The following RNF43 variants were observed in gnomAD, a reference collection of about 807,000 sequenced individuals.
The protein encoded by RNF43 is E3 ubiquitin-protein ligase RNF43.
A neutral mutation model predicts 78.4 loss-of-function variants in RNF43; 37 were observed. The observed-to-expected ratio is 0.47, with a 90% CI of 0.36 to 0.62. The LOEUF (loss-of-function observed/expected upper bound fraction) is 0.62. Ranked by LOEUF, RNF43 falls within the 20% of genes least tolerant of loss-of-function variation. The pLI, the probability that RNF43 is intolerant of heterozygous loss-of-function variation, is 0.00. For missense variants in RNF43, 774 were observed against 1,007.9 expected (o/e 0.77, Z 3.14); for synonymous variants, 347 against 395.0 (o/e 0.88, Z 1.44).
intron 2 of RNF43, among the ~76,000 whole-genome samples, chr17:58,407,007 C>T (rs1225080034): frequency 1.4e-5 from 2 of 146,346 alleles, no homozygotes; most frequent in Non-Finnish European, 3.0e-5. Flanking sequence ...TTTAAAGCAA[C>T]AACAACAAAC....
At position 58,360,686 on chromosome 17, in the gene RNF43, C is replaced by G; in HGVS notation, c.849+97G>C. ...CAGGACACATGGGAAACAGATGTAG[C>G]CAGGGTACCCATACCAGCCCCTAGG... On this transcript the variant is annotated intron_variant, in intron 7 of 9. Transcript: ENST00000407977. The surrounding 1 kb of genome is among the most constrained non-coding windows in gnomAD (Gnocchi z 4.3). 1 of 1,311,068 alleles carries G rather than the reference C, an allele frequency of 7.6e-7. No homozygotes were observed. Among genetic ancestry groups the G allele is most frequent in the Non-Finnish European group, 1.0e-6 (1 of 960,034 alleles). The allele number at this position is 1,311,068 out of a possible 1,614,324, so 81.2% of individuals were successfully genotyped here.
chr17:58,414,503 T>A (rs1028277367), intron 2 of RNF43, among the ~76,000 whole-genome samples: 2 of 152,220 alleles, frequency 1.3e-5, no homozygotes, highest in African/African-American at 4.8e-5. Flanking sequence ...TAAAAAGGTA[T>A]AGCCCTCTAG....
chr17:58,358,415 C>A lies in RNF43; in HGVS notation c.1361G>T (p.Arg454Leu), dbSNP rs202238403. The A allele has an allele frequency of 6.2e-7, 1 of 1,614,074 alleles. No homozygotes were observed. The highest frequency in any genetic ancestry group is 1.1e-5 in the South Asian group (1 of 91,084). Residue 454 changes from arginine to leucine, a missense_variant, in exon 9 of 10, where the codon CGC becomes CTC. Transcript: ENST00000407977. The surrounding 1 kb of genome is among the most constrained non-coding windows in gnomAD (Gnocchi z 6.2). ...SGSGESYCTE[R>L]SGYLADGPAS... ...TGGCCCATCTGCCAGGTACCCACTG[C>A]GTTCTGTGCAATAGCTTTCTCCAGA... is the stretch of plus-strand genomic sequence containing the variant.
chr17:58,356,670 C>T (rs1972689895), intron 9 of RNF43, among the ~76,000 whole-genome samples: 1 of 151,954 alleles, frequency 6.6e-6, no homozygotes. Flanking sequence ...CTCTCTCTCT[C>T]TTTTTTCTCG....
intron 2 of RNF43, among the ~76,000 whole-genome samples, chr17:58,389,840 A>G (rs546097774): frequency 6.6e-6 from 1 of 152,366 alleles, no homozygotes; most frequent in South Asian, 2.1e-4. Flanking sequence ...CCTGTGTACC[A>G]TTGAACAAAC....
At chr17:58,415,255 A>T (rs1489163931) in intron 2 of RNF43, 71 bp downstream of exon 2, 1 of 1,531,320 alleles carries the variant, frequency 6.5e-7, no homozygotes, top group Non-Finnish European at 9.0e-7. Flanking sequence ...ATGGTATTTC[A>T]TTTGGGAGAC....
At position 58,415,436 on chromosome 17, in the gene RNF43, T is replaced by G; in HGVS notation, c.142A>C (p.Ile48Leu). 6.2e-7 allele frequency: 1 copy of G among 1,614,234 alleles called. No individual in the cohort carries two copies. The highest frequency in any genetic ancestry group is 8.5e-7 in the Non-Finnish European group (1 of 1,180,032). ...SERSAEQKAIIRVIPLKMDPT... is the reference protein window; with the variant it reads ...SERSAEQKAILRVIPLKMDPT... ...TCCATTTTCAAGGGGATCACTCTGATAATAGCTTTCTGTTCTGCTGATCTT... is the reference window on the plus strand; with the variant it reads ...TCCATTTTCAAGGGGATCACTCTGAGAATAGCTTTCTGTTCTGCTGATCTT... Residue 48 changes from isoleucine to leucine, a missense_variant, in exon 2 of 10, where the codon ATC becomes CTC. Transcript: ENST00000407977.
intron 2 of RNF43, among the ~76,000 whole-genome samples, chr17:58,406,218 C>T (rs1973909568): frequency 6.6e-6 from 1 of 152,158 alleles, no homozygotes; most frequent in African/African-American, 2.4e-5. Flanking sequence ...CAGTCTATAT[C>T]TTCTTAATGG....
intron 2 of RNF43, among the ~76,000 whole-genome samples, chr17:58,388,062 C>A (rs1414590893): frequency 2.0e-5 from 3 of 151,978 alleles, no homozygotes; most frequent in Admixed American, 6.6e-5. Context: ...TCCTTTGCTT[C>A]TTCTTAATGT....
intron 2 of RNF43, among the ~76,000 whole-genome samples, chr17:58,387,263 G>T (rs1218433439): frequency 6.6e-6 from 1 of 152,100 alleles, no homozygotes; most frequent in Non-Finnish European, 1.5e-5. Flanking sequence ...TGCTTGAGGA[G>T]ATATCATAAT....
chr17:58,362,086 AAAACAAAC>A (rs763077009), intron 6 of RNF43, among the ~76,000 whole-genome samples: 2 of 151,234 alleles, frequency 1.3e-5, no homozygotes, highest in Non-Finnish European at 3.0e-5. Flanking sequence ...ACTCTGTCTC[AAAACAAAC>A]AAACAAACAA....
At chr17:58,415,265 C>T in intron 2 of RNF43, 61 bp downstream of exon 2, 1 of 1,574,064 alleles carries the variant, frequency 6.4e-7, no homozygotes, top group Non-Finnish European at 8.7e-7. Flanking sequence ...ATTTGGGAGA[C>T]AAAAGAAGAA....
In RNF43 at chr17:58,357,868, G is replaced by A. The variant is rs2143396488; in HGVS notation, c.1908C>T (p.Thr636=). The A allele has an allele frequency of 6.2e-7, 1 of 1,614,038 alleles. No homozygotes were observed. The highest frequency in any genetic ancestry group is 8.5e-7 in the Non-Finnish European group (1 of 1,179,978). Residue 636 remains threonine, a synonymous_variant, in exon 9 of 10, where the codon ACC becomes ACT. Coordinates refer to ENST00000407977, the MANE Select transcript of RNF43 (RefSeq NM_017763.6). This position sits in a 1 kb window ranked among gnomAD's most constrained non-coding sequence, Gnocchi z 4.5. ...ATTTTTGCAAGTTGAACAGACTGCT[G>A]GTACTGGGGCAGATGCTGGAGGCGT... ...PVDASSICPS[T]SSLFNLQKSS...
intron 2 of RNF43, among the ~76,000 whole-genome samples, chr17:58,371,622 C>T (rs1053276836): frequency 5.3e-5 from 8 of 152,146 alleles, no homozygotes; most frequent in Non-Finnish European, 1.0e-4. Flanking sequence ...TTGCCTCTGC[C>T]CTGTACCCAT....
intron 2 of RNF43, among the ~76,000 whole-genome samples, chr17:58,388,168 G>A (rs1973476248): frequency 6.6e-6 from 1 of 152,092 alleles, no homozygotes. Context: ...TTGTTTTTAG[G>A]CAGGCTTAAC....
rs541153020 is a variant in RNF43 at position 58,409,980 on chromosome 17, T to C, written c.252+5346A>G. 3.3e-5 allele frequency among the ~76,000 whole-genome samples: 5 copies of C among 152,098 alleles called. No individual in the cohort carries two copies. The East Asian group carries it at 9.7e-4, about 29-fold the overall frequency. ...TATATACATACACACTTTACTATAA[T>C]ACAAAACCCAAGGAAGTACCTACCC... On this transcript the variant is annotated intron_variant, in intron 2 of 9. Coordinates refer to ENST00000407977, the MANE Select transcript of RNF43 (RefSeq NM_017763.6).
intron 3 of RNF43, among the ~76,000 whole-genome samples, chr17:58,366,620 G>C (rs1263057576): frequency 6.6e-6 from 1 of 152,188 alleles, no homozygotes; most frequent in Non-Finnish European, 1.5e-5. Flanking sequence ...TCCTGGCTCT[G>C]ATACCAACTA....
intron 2 of RNF43, among the ~76,000 whole-genome samples, chr17:58,413,650 A>G (rs1974067033): frequency 6.6e-6 from 1 of 152,230 alleles, no homozygotes; most frequent in Admixed American, 6.5e-5. Context: ...ATAGAACAAT[A>G]GAAGACATGA....
chr17:58,415,943 A>C lies in RNF43; in HGVS notation c.-366T>G. ...AGATCACTTGGCATTGCTCTTCCAT[A>C]TGCATCAAGTTGCCAGGCACTAAAC... On this transcript the variant is annotated 5_prime_UTR_variant, in exon 2 of 10. Transcript: ENST00000407977. 1 of 332,752 alleles carries C rather than the reference A, an allele frequency of 3.0e-6. No homozygotes were observed. The allele number at this position is 332,752 out of a possible 1,614,324, so 20.6% of individuals were successfully genotyped here.
Sources: gnomAD v4.1 joint callset for allele counts (sites outside exome capture counted in the v4.1 genomes callset) on GRCh38, gnomAD v4.1.1 for gene constraint, Gnocchi (gnomAD v3.1) non-coding constraint, MANE v1.5 for transcripts, NCBI Gene and HGNC (gene_info 2026-07-23, HGNC 2026-07-21) for gene names.